Variants in PDE4B observed in about 807,000 individuals in gnomAD.
PDE4B encodes the protein phosphodiesterase 4B, also known as 3',5'-cyclic-AMP phosphodiesterase 4B.
In PDE4B, 20 loss-of-function variants were observed where a neutral mutation model predicts 82.2. That is an observed-to-expected ratio of 0.24 (90% CI 0.17 to 0.35). The LOEUF (loss-of-function observed/expected upper bound fraction) is 0.35, where lower values mean the gene tolerates loss of function less well. Ranked by LOEUF, PDE4B falls within the 10% of genes least tolerant of loss-of-function variation. The pLI is 1.00. For missense variants in PDE4B, 655 were observed against 907.2 expected (o/e 0.72, Z 3.57); for synonymous variants, 320 against 318.9 (o/e 1.00, Z -0.04).
intron 1 of PDE4B, among the ~76,000 whole-genome samples, chr1:65,895,418 C>A (rs1024079247): frequency 2.0e-5 from 3 of 151,760 alleles, no homozygotes; most frequent in Admixed American, 1.3e-4. Context: ...TGCATGGTGG[C>A]AGGCACCTGT....
At chr1:66,009,849 A>G (rs987139940) in intron 3 of PDE4B, among the ~76,000 whole-genome samples, 1 of 151,994 alleles carries the variant, frequency 6.6e-6, no homozygotes, top group Admixed American at 6.6e-5. Context: ...ATATATCTAC[A>G]TATATATGTA....
intron 1 of PDE4B, among the ~76,000 whole-genome samples, chr1:65,795,597 C>T (rs1450133131): frequency 6.6e-6 from 1 of 152,260 alleles, no homozygotes; most frequent in African/African-American, 2.4e-5. Context: ...CTGTAGAAAG[C>T]TCCCTTGTCC....
intron 1 of PDE4B, among the ~76,000 whole-genome samples, chr1:65,843,087 A>T (rs191220687): frequency 9.6e-4 from 146 of 152,278 alleles, no homozygotes; most frequent in Non-Finnish European, 1.6e-3. Context: ...GATGTAGACC[A>T]TTGGGGACCA....
chr1:65,867,602 C>CT (rs1557787073), intron 1 of PDE4B, among the ~76,000 whole-genome samples: 1 of 152,160 alleles, frequency 6.6e-6, no homozygotes, highest in Non-Finnish European at 1.5e-5. Flanking sequence ...GCAGCCTTGT[C>CT]TTTTTTATCT....
At chr1:66,352,863 C>T (rs917663207) in intron 8 of PDE4B, among the ~76,000 whole-genome samples, 1 of 152,096 alleles carries the variant, frequency 6.6e-6, no homozygotes, top group African/African-American at 2.4e-5. Context: ...TTCAGAGAGA[C>T]TAAAGGAGCC....
chr1:66,059,758 T>C (rs1655487033), intron 3 of PDE4B, among the ~76,000 whole-genome samples: 1 of 152,206 alleles, frequency 6.6e-6, no homozygotes, highest in Non-Finnish European at 1.5e-5. Flanking sequence ...TGCTGAAATT[T>C]GGGTGAGGAC....
At chr1:66,290,880 C>A (rs1657023551) in intron 7 of PDE4B, among the ~76,000 whole-genome samples, 1 of 152,152 alleles carries the variant, frequency 6.6e-6, no homozygotes, top group Admixed American at 6.6e-5. Context: ...GAACTACAAC[C>A]ACTCATCAGA....
rs566669040 is a variant in PDE4B at position 65,792,942 on chromosome 1, C to T, written c.-377C>T. On this transcript the variant is annotated 5_prime_UTR_variant, in exon 1 of 17. Coordinates refer to ENST00000341517, the MANE Select transcript of PDE4B (RefSeq NM_002600.4). The stretch of plus-strand genomic sequence containing the variant: ...GGGCGCGTCGCCAGCGCCTGTGTCT[C>T]CCTGGCGCGGGTTCCCCAGGCTAGC... 4.6e-3 allele frequency among the ~76,000 whole-genome samples: 699 copies of T among 151,968 alleles called. 7 individuals are homozygous for T. Among genetic ancestry groups the T allele is most frequent in the African/African-American group, 0.016 (654 of 41,520 alleles).
intron 6 of PDE4B, among the ~76,000 whole-genome samples, chr1:66,264,797 G>T (rs766000496): frequency 8.5e-5 from 13 of 152,202 alleles, no homozygotes; most frequent in Admixed American, 8.5e-4. Context: ...TAGCAACAAC[G>T]ATGCAGGCTG....
At chr1:65,956,293 T>A (rs1649256420) in intron 3 of PDE4B, among the ~76,000 whole-genome samples, 1 of 152,130 alleles carries the variant, frequency 6.6e-6, no homozygotes, top group East Asian at 1.9e-4. Flanking sequence ...CTTGGGTGAA[T>A]GGTCCTGTTT....
At chr1:66,082,755 A>C (rs2100966089) in intron 3 of PDE4B, among the ~76,000 whole-genome samples, 1 of 152,158 alleles carries the variant, frequency 6.6e-6, no homozygotes, top group South Asian at 2.1e-4. Context: ...TTGTTTTCCA[A>C]GAACAAAATT....
At chr1:66,268,552 C>A (rs1655217828) in intron 7 of PDE4B, among the ~76,000 whole-genome samples, 1 of 151,240 alleles carries the variant, frequency 6.6e-6, no homozygotes, top group Admixed American at 6.6e-5. Flanking sequence ...CCTGTTGTCC[C>A]AGCTACTCGG....
intron 7 of PDE4B, among the ~76,000 whole-genome samples, chr1:66,284,354 G>T (rs1656516217): frequency 1.3e-5 from 2 of 152,110 alleles, no homozygotes; most frequent in South Asian, 4.1e-4. Flanking sequence ...ATAACCAAGT[G>T]GATTAGGAGA....
intron 3 of PDE4B, among the ~76,000 whole-genome samples, chr1:66,117,315 ACTTGAGTGTTAC>A (rs1645615643): frequency 6.6e-6 from 1 of 152,200 alleles, no homozygotes; most frequent in Admixed American, 6.5e-5. Flanking sequence ...GGGCCAAGAT[ACTTGAGTGTTAC>A]CGAGAAATTA....
intron 7 of PDE4B, among the ~76,000 whole-genome samples, chr1:66,281,390 GT>G (rs1297309552): frequency 1.3e-5 from 2 of 152,216 alleles, no homozygotes; most frequent in Admixed American, 6.5e-5. Flanking sequence ...TATAGGAGAG[GT>G]TTTTGCCTCA....
At chr1:66,070,766 G>A (rs1570147353) in intron 3 of PDE4B, among the ~76,000 whole-genome samples, 2 of 152,102 alleles carry the variant, frequency 1.3e-5, no homozygotes, top group African/African-American at 4.8e-5. Context: ...ATTTATTTTA[G>A]TTAAATACCT....
chr1:66,290,471 G>C (rs1220651413), intron 7 of PDE4B, among the ~76,000 whole-genome samples: 3 of 152,196 alleles, frequency 2.0e-5, no homozygotes, highest in Admixed American at 6.6e-5. Flanking sequence ...TGTGGAAGGG[G>C]AGTCAAGAGG....
intron 3 of PDE4B, among the ~76,000 whole-genome samples, chr1:66,104,794 T>C (rs1282803179): frequency 6.7e-6 from 1 of 150,236 alleles, no homozygotes; most frequent in Non-Finnish European, 1.5e-5. Context: ...TTGTTTGTTT[T>C]TTTCTTGTAC....
At chr1:65,813,250 A>G (rs552708075) in intron 1 of PDE4B, among the ~76,000 whole-genome samples, 2 of 152,340 alleles carry the variant, frequency 1.3e-5, no homozygotes, top group African/African-American at 2.4e-5. Context: ...GGAGGTCACT[A>G]TAATTACCAT....
Sources: gnomAD v4.1 joint callset for allele counts (sites outside exome capture counted in the v4.1 genomes callset) on GRCh38, gnomAD v4.1.1 for gene constraint, MANE v1.5 for transcripts, NCBI Gene and HGNC (gene_info 2026-07-23, HGNC 2026-07-21) for gene names.